The following EVI5L variants were observed in gnomAD, a reference collection of about 807,000 sequenced individuals.
EVI5L encodes ecotropic viral integration site 5 like, also known as EVI5-like protein.
Under a neutral mutation model 106.1 loss-of-function variants are expected in EVI5L, and 30 were observed. The observed-to-expected ratio is 0.28, with a 90% CI of 0.21 to 0.38. The LOEUF is 0.38. Ranked by LOEUF, EVI5L falls within the 10% of genes least tolerant of loss-of-function variation. EVI5L has a pLI of 1.00. For synonymous variants in EVI5L, 489 were observed against 483.3 expected, an observed-to-expected ratio of 1.01 and a Z score of -0.15; for missense variants, 809 against 1,098.0, an observed-to-expected ratio of 0.74 and a Z score of 3.72.
rs1164617412 is a variant in EVI5L at position 7,850,293 on chromosome 19, CA to C, written c.753+175del. On this transcript the variant is annotated intron_variant, in intron 6 of 19. Transcript: ENST00000538904. This position sits in a 1 kb window ranked among gnomAD's most constrained non-coding sequence, Gnocchi z 5.4. Reference sequence around the variant, plus strand: ...AAATCACACCTGGACGTTCCAACTCCAAAAGGCACTCCTCTTTCCATGCAGC... The same window carrying C: ...AAATCACACCTGGACGTTCCAACTCCAAAGGCACTCCTCTTTCCATGCAGC... Among the ~76,000 whole-genome samples, 1 of 152,110 alleles carries C rather than the reference CA, an allele frequency of 6.6e-6. No individual in the cohort carries two copies. The highest frequency in any genetic ancestry group is 1.5e-5 in the Non-Finnish European group (1 of 68,014).
chr19:7,855,974 TG>T (rs771978729), intron 10 of EVI5L, 40 bp from the exon 11 acceptor site: 14 of 1,320,394 alleles, frequency 1.1e-5, no homozygotes, highest in Admixed American at 9.2e-5. Flanking sequence ...TAGACAGGCG[TG>T]GGGGGCGGGC....
chr19:7,842,831 A>C (rs1381616856), intron 1 of EVI5L, among the ~76,000 whole-genome samples: 3 of 147,920 alleles, frequency 2.0e-5, no homozygotes, highest in Non-Finnish European at 4.5e-5. Flanking sequence ...GTGTGTGTGA[A>C]GGTATATAGG....
At position 7,863,274 on chromosome 19, in the gene EVI5L, G is replaced by A. The variant is rs1194443787; in HGVS notation, c.2133G>A (p.Lys711=). The A allele has an allele frequency of 6.4e-7, 1 of 1,556,190 alleles. No homozygotes were observed. Among genetic ancestry groups the A allele is most frequent in the Non-Finnish European group, 8.7e-7 (1 of 1,150,078 alleles). The change falls in exon 19 of 20, where the codon AAG becomes AAA. Residue 711 remains lysine (K), a synonymous_variant. Coordinates refer to ENST00000538904, the MANE Select transcript of EVI5L (RefSeq NM_001159944.3). The surrounding 1 kb of genome is among the most constrained non-coding windows in gnomAD (Gnocchi z 7.7). ...TCAAGGACCAGATCGAGGAGCTGAA[G>A]GCCGAGGTGAGCCGGCGCGGGGATG... ...RELKDQIEEL[K]AEVRLLKGPP... is the part of the protein sequence containing the mutation.
intron 1 of EVI5L, among the ~76,000 whole-genome samples, chr19:7,840,959 C>T (rs888968917): frequency 2.0e-5 from 3 of 152,164 alleles, no homozygotes; most frequent in Admixed American, 1.3e-4. Context: ...TTGAGCCCTA[C>T]GAGTGGATTT....
At position 7,850,135 on chromosome 19, in the gene EVI5L, G is replaced by A. The variant is rs377173331; in HGVS notation, c.753+13G>A. 35 of 1,595,436 alleles carry A rather than the reference G, an allele frequency of 2.2e-5. No individual in the cohort carries two copies. The Middle Eastern group carries it at 5.3e-4, about 24-fold the overall frequency. ...GTACATGCTGCAGGTGAGCAGGGCC[G>A]CAGGAGAGCAGGGCTGCAGGAGGGC... is the stretch of plus-strand genomic sequence containing the variant. On this transcript the variant is annotated intron_variant, in intron 6 of 19. Transcript: ENST00000538904. This position sits in a 1 kb window ranked among gnomAD's most constrained non-coding sequence, Gnocchi z 5.4.
chr19:7,847,850 A>G lies in EVI5L; in HGVS notation c.256A>G (p.Thr86Ala), dbSNP rs754679538. 14 of 1,607,608 alleles carry G rather than the reference A, an allele frequency of 8.7e-6. No homozygotes were observed. The highest frequency in any genetic ancestry group is 1.1e-5 in the Non-Finnish European group (13 of 1,177,152). Reference protein sequence around the residue: ...SSNLSHLEEDTWILWGRIANE... With the variant: ...SSNLSHLEEDAWILWGRIANE... ...CAACCTGAGCCACCTGGAGGAGGAC[A>G]CGTGGATCCTGTGGGGCCGGATCGC... The change falls in exon 3 of 20, where the codon ACG (threonine) becomes GCG (alanine). Residue 86 changes from threonine (T) to alanine (A), a missense_variant. Physicochemically the swap from Thr to Ala is moderately conservative, Grantham distance 58 (BLOSUM62 0). This residue lies in a region of EVI5L where 357 missense variants were observed against 588.1 expected (regional missense o/e 0.61). Coordinates refer to ENST00000538904, the MANE Select transcript of EVI5L (RefSeq NM_001159944.3).
chr19:7,830,451 G>A (rs1978289966), intron 1 of EVI5L, 70 bp downstream of exon 1: 1 of 151,278 alleles, frequency 6.6e-6, no homozygotes, highest in Non-Finnish European at 1.5e-5. Context: ...GGCCCGCGGG[G>A]AACCGGCAGG....
chr19:7,852,911 C>A, intron 8 of EVI5L, 175 bp from the exon 9 acceptor site: 1 of 629,076 alleles, frequency 1.6e-6, no homozygotes, highest in East Asian at 2.7e-5. Flanking sequence ...CCCATTCCCT[C>A]CCCTCACGCT....
In EVI5L at chr19:7,860,562, A is replaced by G. The variant is rs1979750317; in HGVS notation, c.1376A>G (p.Glu459Gly). Residue 459 changes from glutamate to glycine, a missense_variant and splice_region_variant, in exon 14 of 20, where the codon GAG becomes GGG. Glu to Gly is a moderately conservative substitution (Grantham distance 98). Coordinates refer to ENST00000538904, the MANE Select transcript of EVI5L (RefSeq NM_001159944.3). Reference protein sequence around the residue: ...STIRQLQEQQENPRLTEDFVS... With the variant: ...STIRQLQEQQGNPRLTEDFVS... ...CACGCAGCTCTCTGCCTCCCCCAGGAGAACCCCCGCCTCACAGAAGACTTC... is the reference window on the plus strand; with the variant it reads ...CACGCAGCTCTCTGCCTCCCCCAGGGGAACCCCCGCCTCACAGAAGACTTC... 1 of 1,587,210 alleles carries G rather than the reference A, an allele frequency of 6.3e-7. No homozygotes were observed. Among genetic ancestry groups the G allele is most frequent in the Non-Finnish European group, 8.6e-7 (1 of 1,168,328 alleles).
At chr19:7,847,670 T>G in intron 2 of EVI5L, 62 bp from the exon 3 acceptor site, 1 of 1,563,188 alleles carries the variant, frequency 6.4e-7, no homozygotes, top group South Asian at 1.2e-5. Context: ...TGGGCTGGGC[T>G]CGCCAAGGAT....
chr19:7,861,667 C>T (rs1979803379), intron 14 of EVI5L, among the ~76,000 whole-genome samples: 1 of 152,146 alleles, frequency 6.6e-6, no homozygotes, highest in Admixed American at 6.5e-5. Flanking sequence ...AGAGTAGGTG[C>T]TGTTACTACA....
chr19:7,859,878 C>G lies in EVI5L; in HGVS notation c.1375-683C>G, dbSNP rs114357496. On this transcript the variant is annotated intron_variant, in intron 13 of 19. Transcript: ENST00000538904. ...GGCAGAGCCACCGTCACACGTGGAT[C>G]TCAGAGACCCACAGGAAGAGGATGG... is the stretch of plus-strand genomic sequence containing the variant. Among the ~76,000 whole-genome samples, 978 of 152,358 alleles carry G rather than the reference C, an allele frequency of 6.4e-3. 12 individuals carry two copies. The highest frequency in any genetic ancestry group is 0.023 in the African/African-American group (938 of 41,586).
chr19:7,854,595 C>G (rs1426338334), intron 10 of EVI5L, among the ~76,000 whole-genome samples: 1 of 152,168 alleles, frequency 6.6e-6, no homozygotes, highest in African/African-American at 2.4e-5. Flanking sequence ...CATAGCAATA[C>G]CCCGTCTTTA....
rs1385602442 is a variant in EVI5L at position 7,845,338 on chromosome 19, G to A, written c.-47-1158G>A. ...TGAAGGAACACCATCCCCAGCCGCT[G>A]CCTCCACTCCCATAGCCGTCCCTTT... On this transcript the variant is annotated intron_variant, in intron 1 of 19. Coordinates refer to ENST00000538904, the MANE Select transcript of EVI5L (RefSeq NM_001159944.3). This position sits in a 1 kb window ranked among gnomAD's most constrained non-coding sequence, Gnocchi z 4.0. Among the ~76,000 whole-genome samples the A allele has an allele frequency of 6.6e-6, 1 of 152,088 alleles. No homozygotes were observed. The highest frequency in any genetic ancestry group is 1.5e-5 in the Non-Finnish European group (1 of 67,968).
intron 13 of EVI5L, chr19:7,859,045 G>A (rs2146437059): frequency 6.6e-6 from 1 of 152,242 alleles, no homozygotes; most frequent in East Asian, 1.9e-4. Context: ...ACAAAAATAA[G>A]CTGGGTATGG....
chr19:7,862,949 T>A, intron 17 of EVI5L, 23 bp from the exon 18 acceptor site: 3 of 1,496,690 alleles, frequency 2.0e-6, no homozygotes, highest in Non-Finnish European at 2.7e-6. Flanking sequence ...CGCCCTCCTT[T>A]CCCCCCAATC....
chr19:7,858,084 T>A lies in EVI5L; in HGVS notation c.1234-107T>A. 7.4e-7 allele frequency: 1 copy of A among 1,360,298 alleles called. No homozygotes were observed. The highest frequency in any genetic ancestry group is 9.9e-7 in the Non-Finnish European group (1 of 1,006,040). 84.3% of individuals were successfully genotyped at this position (1,360,298 alleles called of 1,614,324 possible). A position where few individuals can be genotyped will look rare whatever the true frequency, so the allele number is the denominator to read the frequency against. ...GAGTACGGGAGGCCCCCACCTCACT[T>A]CCCCCCACCTCCACTCTCTGGGCCT... On this transcript the variant is annotated intron_variant, in intron 12 of 19. Coordinates refer to ENST00000538904, the MANE Select transcript of EVI5L (RefSeq NM_001159944.3). This position sits in a 1 kb window ranked among gnomAD's most constrained non-coding sequence, Gnocchi z 5.7.
chr19:7,838,577 A>G (rs1978453233), intron 1 of EVI5L, among the ~76,000 whole-genome samples: 1 of 152,206 alleles, frequency 6.6e-6, no homozygotes, highest in African/African-American at 2.4e-5. Context: ...TTTCATCTTC[A>G]TTTATTCAAC....
At position 7,861,962 on chromosome 19, in the gene EVI5L, G is replaced by T; in HGVS notation, c.1588G>T (p.Val530Leu). The T allele has an allele frequency of 6.5e-7, 1 of 1,549,898 alleles. No individual in the cohort carries two copies. The highest frequency in any genetic ancestry group is 1.2e-5 in the South Asian group (1 of 84,036). Residue 530 changes from valine to leucine, a missense_variant, in exon 15 of 20, where the codon GTG becomes TTG. Physicochemically the swap from Val to Leu is conservative, Grantham distance 32. Coordinates refer to ENST00000538904, the MANE Select transcript of EVI5L (RefSeq NM_001159944.3). ...KALKVREGQA[V>L]ASTRELKLQL... is the part of the protein sequence containing the mutation. ...GCTCAAGGTGCGGGAAGGCCAGGCG[G>T]TGGCCTCGACGCGAGAGCTTAAACT... is the stretch of plus-strand genomic sequence containing the variant.
Sources: allele counts gnomAD v4.1 joint callset (sites outside exome capture counted in the v4.1 genomes callset), GRCh38; gene constraint gnomAD v4.1.1; regional missense constraint gnomAD v4.1.1; non-coding constraint Gnocchi (gnomAD v3.1); transcripts MANE v1.5; gene names NCBI Gene and HGNC (gene_info 2026-07-23, HGNC 2026-07-21).